The following CDH18 variants were observed in gnomAD, a reference collection of about 807,000 sequenced individuals.
The protein encoded by CDH18 is cadherin 18, also known as cadherin-18.
Under a neutral mutation model 67.9 loss-of-function variants are expected in CDH18, and 31 were observed. That is an observed-to-expected ratio of 0.46 (90% CI 0.34 to 0.62). CDH18 has a LOEUF of 0.62. Among genes scored for constraint, CDH18 ranks in the 20% least tolerant of loss-of-function variants. CDH18 has a pLI of 0.01. For synonymous variants in CDH18, 362 were observed against 347.2 expected (o/e 1.04, Z -0.48); for missense variants, 890 against 975.5 (o/e 0.91, Z 1.17).
intron 1 of CDH18, among the ~76,000 whole-genome samples, chr5:20,328,297 A>G (rs2150019937): frequency 6.6e-6 from 1 of 152,354 alleles, no homozygotes; most frequent in Admixed American, 6.5e-5. Flanking sequence ...GGATGAAGGC[A>G]TTGACCAAAG....
At chr5:20,093,571 TG>T in intron 2 of CDH18, among the ~76,000 whole-genome samples, 1 of 152,310 alleles carries the variant, frequency 6.6e-6, no homozygotes, top group East Asian at 1.9e-4. Flanking sequence ...GATAGTCCAT[TG>T]TTTTGTACCT....
intron 2 of CDH18, among the ~76,000 whole-genome samples, chr5:19,901,289 A>G (rs1789914726): frequency 6.6e-6 from 1 of 152,084 alleles, no homozygotes; most frequent in Admixed American, 6.6e-5. Flanking sequence ...ATAAACTTTT[A>G]ATAATTTTAT....
intron 2 of CDH18, among the ~76,000 whole-genome samples, chr5:20,182,455 G>C (rs2126687638): frequency 6.6e-6 from 1 of 151,564 alleles, no homozygotes; most frequent in Non-Finnish European, 1.5e-5. Flanking sequence ...ATACAAAATT[G>C]GCTGGGTATG....
At chr5:20,437,605 T>C (rs557527757) in intron 1 of CDH18, among the ~76,000 whole-genome samples, 1 of 151,530 alleles carries the variant, frequency 6.6e-6, no homozygotes, top group Non-Finnish European at 1.5e-5. Context: ...CTTTAAAATG[T>C]AATCATTTGA....
intron 1 of CDH18, among the ~76,000 whole-genome samples, chr5:20,403,039 G>A (rs563435911): frequency 2.3e-4 from 34 of 148,868 alleles, no homozygotes; most frequent in African/African-American, 6.7e-4. Context: ...AAAAAATAGC[G>A]AGGTGTGGTG....
intron 5 of CDH18, among the ~76,000 whole-genome samples, chr5:19,710,496 A>G (rs548655909): frequency 5.9e-5 from 9 of 152,280 alleles, no homozygotes; most frequent in African/African-American, 1.9e-4. Context: ...TTTACTTTGT[A>G]AACTTGTAAA....
intron 2 of CDH18, among the ~76,000 whole-genome samples, chr5:20,131,326 A>G (rs192303188): frequency 1.9e-3 from 289 of 152,226 alleles, no homozygotes; most frequent in African/African-American, 6.7e-3. Context: ...AAGACAAAAT[A>G]ATTATCTGTA....
rs192790330 is a variant in CDH18 at position 20,544,946 on chromosome 5, C to A, written c.-580+30516G>T. Among the ~76,000 whole-genome samples the A allele has an allele frequency of 3.3e-4, 50 of 152,244 alleles. 1 individual carries two copies. Among genetic ancestry groups the A allele is most frequent in the East Asian group, 2.5e-3 (13 of 5,164 alleles). ...GCACATGAGCCTGTTAAGTAAAAAG[C>A]AAGTCAATTACTTCCAAGATACAAT... is the stretch of plus-strand genomic sequence containing the variant. On this transcript the variant is annotated intron_variant, in intron 1 of 14. Coordinates refer to the CDH18 transcript ENST00000507958.
intron 1 of CDH18, among the ~76,000 whole-genome samples, chr5:20,500,065 G>A (rs1447132618): frequency 3.3e-5 from 5 of 151,954 alleles, no homozygotes; most frequent in East Asian, 3.9e-4. Context: ...GGCTTATACC[G>A]GCCTTAAACT....
chr5:19,900,591 A>AATT (rs1280734485), intron 2 of CDH18, among the ~76,000 whole-genome samples: 1 of 152,176 alleles, frequency 6.6e-6, no homozygotes, highest in Non-Finnish European at 1.5e-5. Flanking sequence ...GTCTATAATA[A>AATT]ATTTTTAAAG....
chr5:20,370,125 T>C (rs1358814627), intron 1 of CDH18, among the ~76,000 whole-genome samples: 3 of 152,210 alleles, frequency 2.0e-5, no homozygotes, highest in Non-Finnish European at 2.9e-5. Flanking sequence ...ATAAAAATTT[T>C]ATTTTCAGAT....
intron 2 of CDH18, among the ~76,000 whole-genome samples, chr5:20,157,692 G>T (rs562923605): frequency 1.3e-5 from 2 of 151,170 alleles, no homozygotes; most frequent in African/African-American, 4.9e-5. Flanking sequence ...ACCCAGGCTG[G>T]AGTGCAATGG....
intron 1 of CDH18, among the ~76,000 whole-genome samples, chr5:20,308,842 C>A (rs918767738): frequency 1.3e-5 from 2 of 152,084 alleles, no homozygotes; most frequent in Non-Finnish European, 1.5e-5. Context: ...TAGATATAGA[C>A]AATTATGTGG....
intron 1 of CDH18, among the ~76,000 whole-genome samples, chr5:20,401,141 A>T (rs1165629010): frequency 6.6e-6 from 1 of 152,228 alleles, no homozygotes; most frequent in Non-Finnish European, 1.5e-5. Context: ...AATGTCAATT[A>T]TAACAACTGT....
At chr5:20,220,008 C>T (rs953478521) in intron 2 of CDH18, among the ~76,000 whole-genome samples, 6 of 151,800 alleles carry the variant, frequency 4.0e-5, no homozygotes, top group African/African-American at 1.4e-4. Context: ...ATTTTATATT[C>T]ATGAGTTGGA....
chr5:19,604,000 G>A (rs924110526), intron 6 of CDH18, among the ~76,000 whole-genome samples: 1 of 151,864 alleles, frequency 6.6e-6, no homozygotes, highest in Non-Finnish European at 1.5e-5. Context: ...GTATCTGGAT[G>A]CACCATAGTT....
intron 1 of CDH18, among the ~76,000 whole-genome samples, chr5:20,448,880 G>C (rs985893396): frequency 1.3e-5 from 2 of 152,036 alleles, no homozygotes; most frequent in Non-Finnish European, 2.9e-5. Flanking sequence ...TTTCCATTTT[G>C]TCCCTAATTA....
intron 2 of CDH18, among the ~76,000 whole-genome samples, chr5:20,069,743 A>G (rs1457845747): frequency 6.6e-6 from 1 of 152,108 alleles, no homozygotes; most frequent in East Asian, 1.9e-4. Context: ...TTTATTTTTT[A>G]GAGCAGTTTT....
chr5:20,518,373 G>A (rs565908188), intron 1 of CDH18, among the ~76,000 whole-genome samples: 72 of 152,208 alleles, frequency 4.7e-4, no homozygotes, highest in South Asian at 1.0e-3. Flanking sequence ...GAAACTGGTA[G>A]ATGACACTAA....
Sources: gnomAD v4.1 joint callset for allele counts (sites outside exome capture counted in the v4.1 genomes callset) on GRCh38, gnomAD v4.1.1 for gene constraint, MANE v1.5 for transcripts, NCBI Gene and HGNC (gene_info 2026-07-23, HGNC 2026-07-21) for gene names.